The following RBFOX1 variants were observed in gnomAD, a reference collection of about 807,000 sequenced individuals.
The protein encoded by RBFOX1 is RNA binding fox-1 homolog 1.
A neutral mutation model predicts 57.7 loss-of-function variants in RBFOX1; 8 were observed. That is an observed-to-expected ratio of 0.14 (90% CI 0.08 to 0.25). The LOEUF (loss-of-function observed/expected upper bound fraction) is 0.25, where lower values mean the gene tolerates loss of function less well. RBFOX1 is among the 10% of genes least tolerant of loss of function. RBFOX1 has a pLI of 1.00. For synonymous variants in RBFOX1, 326 were observed against 222.4 expected, an observed-to-expected ratio of 1.47 and a Z score of -4.15; for missense variants, 611 against 548.5, an observed-to-expected ratio of 1.11 and a Z score of -1.14.
chr16:6,451,138 C>G (rs1175373675), intron 2 of RBFOX1, among the ~76,000 whole-genome samples: 1 of 151,582 alleles, frequency 6.6e-6, no homozygotes, highest in Admixed American at 6.6e-5. Flanking sequence ...ACACAGTATT[C>G]TTTTGATCCA....
intron 4 of RBFOX1, among the ~76,000 whole-genome samples, chr16:7,231,176 C>G (rs1437570042): frequency 6.6e-6 from 1 of 152,146 alleles, no homozygotes; most frequent in Non-Finnish European, 1.5e-5. Context: ...GCTTAAAACT[C>G]CCATTCTGCC....
At chr16:5,655,545 T>A (rs2151376786) in intron 3 of RBFOX1, among the ~76,000 whole-genome samples, 1 of 152,272 alleles carries the variant, frequency 6.6e-6, no homozygotes, top group Middle Eastern at 3.4e-3. Flanking sequence ...TTCCCAGAAT[T>A]TTTCAAAGTG....
chr16:7,360,188 A>G (rs1224607739), intron 4 of RBFOX1, among the ~76,000 whole-genome samples: 1 of 152,220 alleles, frequency 6.6e-6, no homozygotes, highest in Non-Finnish European at 1.5e-5. Context: ...TGCATGTCAC[A>G]TGCTATATAT....
chr16:5,693,184 T>C (rs2050744311), intron 3 of RBFOX1, among the ~76,000 whole-genome samples: 1 of 152,118 alleles, frequency 6.6e-6, no homozygotes, highest in African/African-American at 2.4e-5. Context: ...CCTGAGATGA[T>C]ACATCTCTTC....
At chr16:7,534,684 C>T (rs974121256) in intron 5 of RBFOX1, among the ~76,000 whole-genome samples, 1 of 152,106 alleles carries the variant, frequency 6.6e-6, no homozygotes, top group Non-Finnish European at 1.5e-5. Context: ...ATGTATTTAG[C>T]CGGGGGAATG....
intron 1 of RBFOX1, among the ~76,000 whole-genome samples, chr16:5,406,999 A>G (rs1398199003): frequency 6.6e-6 from 1 of 152,180 alleles, no homozygotes; most frequent in Admixed American, 6.5e-5. Context: ...ACTGCTATAT[A>G]AAGATACTAC....
At chr16:7,206,065 A>T (rs1199250398) in intron 4 of RBFOX1, among the ~76,000 whole-genome samples, 1 of 152,218 alleles carries the variant, frequency 6.6e-6, no homozygotes, top group Non-Finnish European at 1.5e-5. Context: ...TTAGACTGAC[A>T]CTAGGAACTC....
chr16:7,066,213 G>C (rs2055988516), intron 4 of RBFOX1, among the ~76,000 whole-genome samples: 2 of 152,168 alleles, frequency 1.3e-5, no homozygotes, highest in African/African-American at 2.4e-5. Flanking sequence ...TTAAGAGTTA[G>C]AACCATAGCT....
chr16:6,483,286 C>G, intron 2 of RBFOX1: 1 of 1,374,256 alleles, frequency 7.3e-7, no homozygotes, highest in East Asian at 2.8e-5. Context: ...CCTCCTTGCA[C>G]GGGCTGCTCG....
intron 2 of RBFOX1, among the ~76,000 whole-genome samples, chr16:6,342,375 G>A (rs576303653): frequency 3.9e-5 from 6 of 152,246 alleles, no homozygotes; most frequent in African/African-American, 1.2e-4. Flanking sequence ...AAGTAGAAAC[G>A]AAGGATCCCA....
intron 2 of RBFOX1, among the ~76,000 whole-genome samples, chr16:6,415,373 C>T (rs191450752): frequency 6.6e-6 from 1 of 151,606 alleles, no homozygotes; most frequent in Non-Finnish European, 1.5e-5. Context: ...CAAGCTCATA[C>T]AGCTAGGAAG....
At chr16:5,723,936 A>G (rs2151541590) in intron 3 of RBFOX1, among the ~76,000 whole-genome samples, 1 of 152,334 alleles carries the variant, frequency 6.6e-6, no homozygotes, top group Non-Finnish European at 1.5e-5. Context: ...ACATTTTTCC[A>G]TTTAAAAAAC....
At chr16:7,331,555 C>G (rs1450574588) in intron 4 of RBFOX1, among the ~76,000 whole-genome samples, 1 of 152,164 alleles carries the variant, frequency 6.6e-6, no homozygotes, top group Non-Finnish European at 1.5e-5. Flanking sequence ...AAAGATGTGT[C>G]TGTACCAATC....
At chr16:6,304,049 A>G (rs1446213601) in intron 1 of RBFOX1, among the ~76,000 whole-genome samples, 1 of 150,336 alleles carries the variant, frequency 6.7e-6, no homozygotes, top group East Asian at 2.0e-4. Flanking sequence ...TGACCTCATG[A>G]TCTGCCTGCC....
chr16:7,040,287 G>A (rs61177865), intron 3 of RBFOX1, among the ~76,000 whole-genome samples: 1 of 152,034 alleles, frequency 6.6e-6, no homozygotes, highest in Admixed American at 6.6e-5. Context: ...CCAAAGTGCT[G>A]GGATTGCAGG....
At chr16:7,029,081 TACACACACACAC>T (rs71147635) in intron 3 of RBFOX1, among the ~76,000 whole-genome samples, 1,437 of 47,920 alleles carry the variant, frequency 0.03, 187 homozygotes, top group South Asian at 0.064. Context: ...TATATATATA[TACACACACACAC>T]ACACACACAC....
At chr16:6,186,258 A>T (rs2097104484) in intron 1 of RBFOX1, among the ~76,000 whole-genome samples, 1 of 152,192 alleles carries the variant, frequency 6.6e-6, no homozygotes, top group Non-Finnish European at 1.5e-5. Flanking sequence ...ATGAAGAAAT[A>T]TACAACTGAT....
At chr16:5,984,329 A>T (rs2060239401) in intron 4 of RBFOX1, among the ~76,000 whole-genome samples, 2 of 151,300 alleles carry the variant, frequency 1.3e-5, no homozygotes, top group South Asian at 4.2e-4. Flanking sequence ...GAGACAAAGG[A>T]CAGGTAAGAA....
In RBFOX1 at chr16:5,587,670, G is replaced by A. The variant is rs546614960; in HGVS notation, c.259-11232G>A. Among the ~76,000 whole-genome samples the A allele has an allele frequency of 3.3e-5, 5 of 152,266 alleles. No homozygotes were observed. In the South Asian group the frequency reaches 6.2e-4, roughly 19 times the overall value. ...AGAGGTTGCAGTGAGCCAAGATCGC[G>A]GCACTGTACTCCAGCCTGGGCGACA... On this transcript the variant is annotated intron_variant, in intron 2 of 2. Coordinates refer to the RBFOX1 transcript ENST00000585867.
Sources: allele counts gnomAD v4.1 joint callset (sites outside exome capture counted in the v4.1 genomes callset), GRCh38; gene constraint gnomAD v4.1.1; transcripts MANE v1.5; gene names NCBI Gene and HGNC (gene_info 2026-07-23, HGNC 2026-07-21).